ASIC2: variants seen among roughly 807,000 people sequenced by gnomAD.
ASIC2 encodes acid sensing ion channel subunit 2.
ASIC2 carries 25 observed loss-of-function variants against 57.3 expected under a neutral mutation model. The observed-to-expected ratio is 0.44, with a 90% CI of 0.32 to 0.61. The LOEUF is 0.61. Ranked by LOEUF, ASIC2 falls within the 20% of genes least tolerant of loss-of-function variation. The pLI, the probability that ASIC2 is intolerant of heterozygous loss-of-function variation, is 0.06. For synonymous variants in ASIC2, 319 were observed against 307.5 expected (o/e 1.04, Z -0.39); for missense variants, 641 against 738.1 (o/e 0.87, Z 1.52).
At chr17:33,829,598 A>AT (rs1913044019) in intron 1 of ASIC2, among the ~76,000 whole-genome samples, 1 of 146,972 alleles carries the variant, frequency 6.8e-6, no homozygotes, top group Admixed American at 6.8e-5. Context: ...TTTTTTTGAG[A>AT]TGGAGTCTCA....
At chr17:33,288,282 C>G (rs1283434449) in intron 1 of ASIC2, among the ~76,000 whole-genome samples, 1 of 152,012 alleles carries the variant, frequency 6.6e-6, no homozygotes, top group Non-Finnish European at 1.5e-5. Flanking sequence ...CAGGAGAAAC[C>G]CCAGAGCTGC....
At chr17:33,135,359 C>G (rs1236435817) in intron 1 of ASIC2, among the ~76,000 whole-genome samples, 1 of 152,204 alleles carries the variant, frequency 6.6e-6, no homozygotes, top group Non-Finnish European at 1.5e-5. Context: ...ATCTGGGCAG[C>G]CTTACTTGAA....
intron 1 of ASIC2, among the ~76,000 whole-genome samples, chr17:34,075,078 C>T (rs1361745035): frequency 6.6e-6 from 1 of 152,012 alleles, no homozygotes; most frequent in Non-Finnish European, 1.5e-5. Flanking sequence ...AGCCACCGCG[C>T]CCGGCCAGAG....
intron 1 of ASIC2, among the ~76,000 whole-genome samples, chr17:33,468,079 A>C (rs1365617379): frequency 1.3e-5 from 2 of 152,236 alleles, no homozygotes; most frequent in Non-Finnish European, 2.9e-5. Flanking sequence ...TAGACATATC[A>C]GATGGCTCTT....
chr17:33,173,914 A>G (rs1905630396), intron 1 of ASIC2, among the ~76,000 whole-genome samples: 1 of 152,202 alleles, frequency 6.6e-6, no homozygotes, highest in Non-Finnish European at 1.5e-5. Flanking sequence ...TGTTCCAGGC[A>G]ATCAGATGAG....
At chr17:33,524,685 C>G (rs1407903376) in intron 1 of ASIC2, among the ~76,000 whole-genome samples, 3 of 151,928 alleles carry the variant, frequency 2.0e-5, no homozygotes. Context: ...AGAATGAGGT[C>G]CCCAGTTTGA....
At chr17:33,531,009 AT>A (rs1182498813) in intron 1 of ASIC2, among the ~76,000 whole-genome samples, 3 of 152,124 alleles carry the variant, frequency 2.0e-5, no homozygotes, top group Non-Finnish European at 2.9e-5. Context: ...AAAGAAAAAA[AT>A]ATTTAACTTA....
chr17:33,130,594 C>T (rs2092341700), intron 1 of ASIC2, among the ~76,000 whole-genome samples: 1 of 152,214 alleles, frequency 6.6e-6, no homozygotes, highest in Non-Finnish European at 1.5e-5. Flanking sequence ...TGCTCCTCAA[C>T]TCCCCAACCC....
chr17:33,520,009 C>T (rs1914692929), intron 1 of ASIC2, among the ~76,000 whole-genome samples: 2 of 152,192 alleles, frequency 1.3e-5, no homozygotes, highest in Non-Finnish European at 2.9e-5. Context: ...ATCAGAGAAA[C>T]AAATGCTGTT....
chr17:33,377,538 T>C (rs1479674018), intron 1 of ASIC2, among the ~76,000 whole-genome samples: 1 of 152,222 alleles, frequency 6.6e-6, no homozygotes, highest in Non-Finnish European at 1.5e-5. Flanking sequence ...TCTTATACTG[T>C]CCCTTCTCTC....
chr17:33,630,980 A>G (rs537193755), intron 1 of ASIC2, among the ~76,000 whole-genome samples: 2 of 152,346 alleles, frequency 1.3e-5, no homozygotes, highest in South Asian at 4.1e-4. Context: ...CTGCAAATTA[A>G]TATTTGTTGA....
At position 33,337,949 on chromosome 17, in the gene ASIC2, C is replaced by T. The variant is rs140879573; in HGVS notation, c.556-225882G>A. On this transcript the variant is annotated intron_variant, in intron 1 of 9. Coordinates refer to the ASIC2 transcript ENST00000359872. Reference sequence around the variant, plus strand: ...GTGGAAGTGTTCCTTCTGAGGTGTTCTGGAAGGGCAAAGAGGATGCAGATG... The same window carrying T: ...GTGGAAGTGTTCCTTCTGAGGTGTTTTGGAAGGGCAAAGAGGATGCAGATG... 2.9e-3 allele frequency among the ~76,000 whole-genome samples: 424 copies of T among 147,978 alleles called. 1 individual carries two copies. Among genetic ancestry groups the T allele is most frequent in the African/African-American group, 0.011 (418 of 39,782 alleles).
intron 1 of ASIC2, chr17:33,569,394 T>C (rs1384483304): frequency 6.6e-6 from 1 of 152,294 alleles, no homozygotes; most frequent in African/African-American, 2.4e-5. Context: ...CTGGAGACTG[T>C]CTGTGATCAA....
chr17:33,492,576 T>C (rs977630309), intron 1 of ASIC2, among the ~76,000 whole-genome samples: 1 of 152,216 alleles, frequency 6.6e-6, no homozygotes, highest in Non-Finnish European at 1.5e-5. Context: ...CACCACCTTG[T>C]TGAGTGAACA....
intron 1 of ASIC2, among the ~76,000 whole-genome samples, chr17:33,685,972 G>T (rs897558393): frequency 6.6e-6 from 1 of 152,140 alleles, no homozygotes; most frequent in Non-Finnish European, 1.5e-5. Flanking sequence ...CCAGGGACTC[G>T]CTCACACTTT....
Position 33,175,319 on chromosome 17 carries a change from C to T in ASIC2, c.709-63252G>A, listed in dbSNP as rs56001642. 4.5e-3 allele frequency among the ~76,000 whole-genome samples: 683 copies of T among 152,282 alleles called. 3 individuals carry two copies. Among genetic ancestry groups the T allele is most frequent in the South Asian group, 0.013 (63 of 4,824 alleles). ...TTTTCTCCTTCTTATCTCTTTAGGGCGCATTCTGGGCACTTCTTCCAAGTA... is the reference window on the plus strand; with the variant it reads ...TTTTCTCCTTCTTATCTCTTTAGGGTGCATTCTGGGCACTTCTTCCAAGTA... On this transcript the variant is annotated intron_variant, in intron 1 of 9. Coordinates refer to ENST00000225823, the MANE Select transcript of ASIC2 (RefSeq NM_183377.2).
intron 1 of ASIC2, among the ~76,000 whole-genome samples, chr17:33,433,621 G>A (rs1234581806): frequency 6.6e-6 from 1 of 152,112 alleles, no homozygotes; most frequent in African/African-American, 2.4e-5. Flanking sequence ...GTGGTGGTGT[G>A]TGCCTGTAGT....
At chr17:33,364,640 C>T (rs139757269) in intron 1 of ASIC2, among the ~76,000 whole-genome samples, 2 of 152,160 alleles carry the variant, frequency 1.3e-5, no homozygotes, top group Non-Finnish European at 1.5e-5. Context: ...TCCTCTCTGC[C>T]TTCCACCATG....
Position 33,171,572 on chromosome 17 carries a change from A to T in ASIC2, c.709-59505T>A, listed in dbSNP as rs112944881. On this transcript the variant is annotated intron_variant, in intron 1 of 9. Transcript: ENST00000225823. Reference sequence around the variant, plus strand: ...TTATCATGTCTGTTATCCATTACTCAACTCAGGCACCAGCCTCCTGACAGG... The same window carrying T: ...TTATCATGTCTGTTATCCATTACTCTACTCAGGCACCAGCCTCCTGACAGG... 6.8e-3 allele frequency among the ~76,000 whole-genome samples: 1,032 copies of T among 152,254 alleles called. 11 individuals carry two copies. The highest frequency in any genetic ancestry group is 0.023 in the African/African-American group (965 of 41,536).
Sources: allele counts gnomAD v4.1 joint callset (sites outside exome capture counted in the v4.1 genomes callset), GRCh38; gene constraint gnomAD v4.1.1; transcripts MANE v1.5; gene names NCBI Gene and HGNC (gene_info 2026-07-23, HGNC 2026-07-21).